MKLN1: variants seen among roughly 807,000 people sequenced by gnomAD.
MKLN1 encodes the protein muskelin 1, also known as muskelin.
A neutral mutation model predicts 99.0 loss-of-function variants in MKLN1; 18 were observed. The observed-to-expected ratio is 0.18, with a 90% CI of 0.13 to 0.27. The LOEUF (loss-of-function observed/expected upper bound fraction) is 0.27. Ranked by LOEUF, MKLN1 falls within the 10% of genes least tolerant of loss-of-function variation. The pLI is 1.00. For missense variants in MKLN1, 621 were observed against 875.9 expected, an observed-to-expected ratio of 0.71 and a Z score of 3.67; for synonymous variants, 288 against 293.2, an observed-to-expected ratio of 0.98 and a Z score of 0.18.
At chr7:131,247,919 G>C (rs1178745877) in intron 3 of MKLN1, among the ~76,000 whole-genome samples, 1 of 143,058 alleles carries the variant, frequency 7.0e-6, no homozygotes, top group Non-Finnish European at 1.6e-5. Flanking sequence ...GTGTGTTTGA[G>C]ACAGGGTCTC....
intron 2 of MKLN1, among the ~76,000 whole-genome samples, chr7:131,201,000 C>A (rs1027639401): frequency 2.0e-5 from 3 of 152,162 alleles, no homozygotes; most frequent in Non-Finnish European, 4.4e-5. Context: ...CTACTTCCTC[C>A]TTCCCTAAAT....
intron 2 of MKLN1, among the ~76,000 whole-genome samples, chr7:131,173,140 AACACACACACAC>A (rs56672099): frequency 6.7e-6 from 1 of 150,002 alleles, no homozygotes; most frequent in Admixed American, 6.7e-5. Context: ...TGTATATACA[AACACACACACAC>A]ACACACACAC....
intron 1 of MKLN1, among the ~76,000 whole-genome samples, chr7:131,140,632 G>T (rs939785069): frequency 1.3e-5 from 2 of 152,156 alleles, no homozygotes; most frequent in Non-Finnish European, 2.9e-5. Flanking sequence ...AAAGCTTCCT[G>T]AGATCTTGCC....
At chr7:131,439,459 G>T (rs1027618937) in intron 10 of MKLN1, among the ~76,000 whole-genome samples, 1 of 152,120 alleles carries the variant, frequency 6.6e-6, no homozygotes, top group African/African-American at 2.4e-5. Context: ...CAGAACACTG[G>T]GGGTGAAGAA....
chr7:131,313,625 G>T (rs1469883281), intron 3 of MKLN1, among the ~76,000 whole-genome samples: 1 of 152,220 alleles, frequency 6.6e-6, no homozygotes, highest in African/African-American at 2.4e-5. Flanking sequence ...GCCTTTTCAA[G>T]GAGGAGTTTG....
rs938509749 is a variant in MKLN1, at chr7:131,294,015, C to G, written c.-178-81409C>G. Among the ~76,000 whole-genome samples the G allele has an allele frequency of 2.0e-5, 3 of 151,692 alleles. No individual in the cohort carries two copies. In the South Asian group the frequency reaches 6.2e-4, roughly 31 times the overall value. The stretch of plus-strand genomic sequence containing the variant: ...CTCTAGATACTAGATACCAGTAGCA[C>G]ACCCAGTCATGACAATCAAAAATGT... On this transcript the variant is annotated intron_variant, in intron 3 of 7. Coordinates refer to the MKLN1 transcript ENST00000416992.
At chr7:131,464,795 C>T (rs925781833) in intron 14 of MKLN1, among the ~76,000 whole-genome samples, 13 of 152,078 alleles carry the variant, frequency 8.5e-5, no homozygotes, top group East Asian at 1.9e-4. Context: ...CTATTGTGTG[C>T]GAAGTCTTTT....
intron 3 of MKLN1, among the ~76,000 whole-genome samples, chr7:131,275,354 C>T (rs1287573587): frequency 4.3e-5 from 6 of 140,378 alleles, no homozygotes; most frequent in African/African-American, 1.0e-4. Flanking sequence ...TTTTTGTTGT[C>T]GTTGTTGTTG....
At chr7:131,228,404 T>A (rs775791283) in intron 3 of MKLN1, among the ~76,000 whole-genome samples, 1 of 152,192 alleles carries the variant, frequency 6.6e-6, no homozygotes, top group African/African-American at 2.4e-5. Context: ...AGGCATGATG[T>A]GCCACCTTGC....
intron 3 of MKLN1, among the ~76,000 whole-genome samples, chr7:131,209,196 A>G (rs922948044): frequency 6.6e-6 from 1 of 152,234 alleles, no homozygotes; most frequent in Non-Finnish European, 1.5e-5. Context: ...AAGTTGGACA[A>G]GTGGACAGGA....
At chr7:131,263,708 T>C (rs1797768194) in intron 3 of MKLN1, among the ~76,000 whole-genome samples, 1 of 151,996 alleles carries the variant, frequency 6.6e-6, no homozygotes, top group Non-Finnish European at 1.5e-5. Context: ...TACTGGGGAC[T>C]ACAGGTGTGT....
intron 1 of MKLN1, among the ~76,000 whole-genome samples, chr7:131,361,123 C>T (rs1235607427): frequency 1.3e-5 from 2 of 151,480 alleles, no homozygotes; most frequent in Non-Finnish European, 2.9e-5. Flanking sequence ...TTTGATATTT[C>T]CTGCTTGGTT....
chr7:131,220,537 C>G (rs2116451497), intron 3 of MKLN1, among the ~76,000 whole-genome samples: 1 of 152,190 alleles, frequency 6.6e-6, no homozygotes. Flanking sequence ...GGGAGAAAAA[C>G]TCAAACACAT....
chr7:131,457,115 T>C (rs1057377739), intron 12 of MKLN1, among the ~76,000 whole-genome samples: 1 of 151,710 alleles, frequency 6.6e-6, no homozygotes, highest in Non-Finnish European at 1.5e-5. Flanking sequence ...CCGTCTCCAC[T>C]AAAAATACAA....
At chr7:131,324,620 A>C (rs913587932), upstream of MKLN1, among the ~76,000 whole-genome samples, 2 of 152,212 alleles carry the variant, frequency 1.3e-5, no homozygotes, top group South Asian at 2.1e-4. Context: ...CATTAAAATA[A>C]ATCAAGCTAC....
rs542849906 is a variant in MKLN1 at position 131,314,714 on chromosome 7, G to A, written c.-178-60710G>A. On this transcript the variant is annotated intron_variant, in intron 3 of 7. Coordinates refer to the MKLN1 transcript ENST00000416992. ...TGGGATTACAGGCTTGAGCCACCGC[G>A]CCCAGCCCTTGTTTGTTGTTTTGAG... is the stretch of plus-strand genomic sequence containing the variant. Among the ~76,000 whole-genome samples, 86 of 152,044 alleles carry A rather than the reference G, an allele frequency of 5.7e-4. 1 individual carries two copies. In the South Asian group the frequency reaches 0.017, roughly 31 times the overall value.
chr7:131,433,905 C>CA (rs1795600635), intron 9 of MKLN1, among the ~76,000 whole-genome samples: 1 of 137,056 alleles, frequency 7.3e-6, no homozygotes, highest in Non-Finnish European at 1.5e-5. Flanking sequence ...TTTTTTGAGA[C>CA]AGAGTTTTGC....
At chr7:131,389,019 A>G (rs1794115786) in intron 4 of MKLN1, 47 bp downstream of exon 4, 1 of 1,338,876 alleles carries the variant, frequency 7.5e-7, no homozygotes, top group Middle Eastern at 1.8e-4. Context: ...TGATATCATC[A>G]GTCAGCAAAC....
chr7:131,334,248 T>G (rs765512133), intron 1 of MKLN1, among the ~76,000 whole-genome samples: 2 of 152,212 alleles, frequency 1.3e-5, no homozygotes, highest in Non-Finnish European at 2.9e-5. Flanking sequence ...ACCACTAGTT[T>G]GGAGGCATGC....
Sources: allele counts gnomAD v4.1 joint callset (sites outside exome capture counted in the v4.1 genomes callset), GRCh38; gene constraint gnomAD v4.1.1; transcripts MANE v1.5; gene names NCBI Gene and HGNC (gene_info 2026-07-23, HGNC 2026-07-21).